MTUS2: variants seen among roughly 807,000 people sequenced by gnomAD.
MTUS2 encodes microtubule-associated tumor suppressor candidate 2.
A neutral mutation model predicts 114.1 loss-of-function variants in MTUS2; 40 were observed. That is an observed-to-expected ratio of 0.35 (90% CI 0.27 to 0.46). The LOEUF (loss-of-function observed/expected upper bound fraction) is 0.46. MTUS2 is among the 20% of genes least tolerant of loss of function. The pLI is 1.00. For synonymous variants in MTUS2, 688 were observed against 672.0 expected (o/e 1.02, Z -0.37); for missense variants, 1,679 against 1,705.4 (o/e 0.98, Z 0.27).
intron 5 of MTUS2, among the ~76,000 whole-genome samples, chr13:29,258,972 A>G (rs1353801503): frequency 6.6e-6 from 1 of 152,216 alleles, no homozygotes; most frequent in Admixed American, 6.5e-5. Context: ...CAGACTAATA[A>G]AGGTCTTGCT....
At chr13:28,894,343 A>AGAGAGAGAGAGAGAGAGAGT (rs1566203791) in intron 2 of MTUS2, among the ~76,000 whole-genome samples, 23 of 93,614 alleles carry the variant, frequency 2.5e-4, no homozygotes, top group African/African-American at 1.1e-3. Context: ...AGAGAGAGAG[A>AGAGAGAGAGAGAGAGAGAGT]GAGAGAGTGA....
intron 9 of MTUS2, among the ~76,000 whole-genome samples, chr13:29,444,966 C>T (rs776425713): frequency 1.3e-4 from 20 of 152,188 alleles, no homozygotes; most frequent in Non-Finnish European, 2.1e-4. Flanking sequence ...GTTAGATGGA[C>T]TTTGGGGAGC....
At chr13:28,851,883 T>G (rs1000661394) in intron 2 of MTUS2, among the ~76,000 whole-genome samples, 2 of 152,158 alleles carry the variant, frequency 1.3e-5, no homozygotes, top group Non-Finnish European at 2.9e-5. Context: ...GTGTGCTGTT[T>G]CCACTCTTCC....
intron 2 of MTUS2, among the ~76,000 whole-genome samples, chr13:28,891,726 A>G (rs1878934729): frequency 6.6e-6 from 1 of 151,798 alleles, no homozygotes; most frequent in Non-Finnish European, 1.5e-5. Context: ...AAAAATACAA[A>G]AATTAGCTGG....
chr13:28,947,341 G>C (rs1882584536), intron 2 of MTUS2, among the ~76,000 whole-genome samples: 1 of 152,162 alleles, frequency 6.6e-6, no homozygotes, highest in Non-Finnish European at 1.5e-5. Context: ...TTAGGGGCTG[G>C]ACCATTGCTT....
chr13:28,922,875 G>T (rs1052474963), intron 2 of MTUS2, among the ~76,000 whole-genome samples: 2 of 152,260 alleles, frequency 1.3e-5, no homozygotes, highest in Admixed American at 1.3e-4. Flanking sequence ...GGAACAAATC[G>T]TGTAGACTTC....
intron 5 of MTUS2, among the ~76,000 whole-genome samples, chr13:29,144,122 C>G (rs1892335040): frequency 6.6e-6 from 1 of 152,136 alleles, no homozygotes; most frequent in Non-Finnish European, 1.5e-5. Flanking sequence ...GCTGACAATC[C>G]AGAAAGAGGG....
intron 9 of MTUS2, among the ~76,000 whole-genome samples, chr13:29,443,535 G>T (rs1382826549): frequency 1.3e-5 from 2 of 152,224 alleles, no homozygotes; most frequent in East Asian, 3.8e-4. Flanking sequence ...GAGGGCGGAA[G>T]GCCTTGGCAG....
intron 8 of MTUS2, among the ~76,000 whole-genome samples, chr13:29,375,451 A>C (rs1488998907): frequency 7.6e-6 from 1 of 131,220 alleles, no homozygotes; most frequent in African/African-American, 2.8e-5. Flanking sequence ...CTTACTTTTA[A>C]TGGCAACAAC....
At chr13:28,868,467 T>A (rs1332100754) in intron 2 of MTUS2, among the ~76,000 whole-genome samples, 1 of 152,184 alleles carries the variant, frequency 6.6e-6, no homozygotes, top group Non-Finnish European at 1.5e-5. Flanking sequence ...GGGTGTTCCT[T>A]TTGTCCAGTT....
chr13:29,033,769 C>A (rs895909059), intron 3 of MTUS2, 116 bp from the exon 4 acceptor site: 24 of 1,285,248 alleles, frequency 1.9e-5, no homozygotes, highest in Middle Eastern at 2.2e-4. Flanking sequence ...GACTTGTGAT[C>A]AAGCAGCTAA....
At chr13:29,072,984 C>G (rs1288431975) in intron 4 of MTUS2, among the ~76,000 whole-genome samples, 1 of 152,136 alleles carries the variant, frequency 6.6e-6, no homozygotes, top group Non-Finnish European at 1.5e-5. Flanking sequence ...GTTGGTAGCA[C>G]TTTGTCATGT....
chr13:29,491,007 G>GTGTGTGT (rs1555286008), intron 11 of MTUS2, among the ~76,000 whole-genome samples: 2 of 133,826 alleles, frequency 1.5e-5, no homozygotes, highest in Non-Finnish European at 1.7e-5. Flanking sequence ...GTGTGTGTGT[G>GTGTGTGT]GTGTGGGAGG....
At chr13:28,843,619 A>G (rs367993364) in intron 2 of MTUS2, among the ~76,000 whole-genome samples, 2 of 152,224 alleles carry the variant, frequency 1.3e-5, no homozygotes, top group African/African-American at 2.4e-5. Context: ...TTCTCTTAAG[A>G]TGATAGAAAC....
intron 2 of MTUS2, among the ~76,000 whole-genome samples, chr13:29,004,408 C>T (rs182112559): frequency 1.2e-4 from 19 of 152,196 alleles, no homozygotes; most frequent in African/African-American, 2.9e-4. Flanking sequence ...ACTCCCAATG[C>T]GTAGTTGTAG....
chr13:29,086,123 A>G (rs1286119863), intron 4 of MTUS2, among the ~76,000 whole-genome samples: 1 of 152,082 alleles, frequency 6.6e-6, no homozygotes, highest in Non-Finnish European at 1.5e-5. Context: ...CCATTTTGAA[A>G]TGAGGTTTGT....
chr13:28,903,636 G>A (rs1025324976), intron 2 of MTUS2, among the ~76,000 whole-genome samples: 1 of 151,724 alleles, frequency 6.6e-6, no homozygotes, highest in African/African-American at 2.4e-5. Context: ...GTGTATATGT[G>A]CCACATTTTC....
chr13:29,116,639 C>T (rs1437265379), intron 5 of MTUS2, among the ~76,000 whole-genome samples: 1 of 152,168 alleles, frequency 6.6e-6, no homozygotes, highest in African/African-American at 2.4e-5. Flanking sequence ...GCCCGTCACT[C>T]TTCTTGCACT....
chr13:29,173,074 G>A (rs144556078), intron 5 of MTUS2, among the ~76,000 whole-genome samples: 72 of 151,904 alleles, frequency 4.7e-4, no homozygotes, highest in Non-Finnish European at 7.8e-4. Flanking sequence ...TGTTTGTGCT[G>A]GTTGTAAAAT....
Sources: gnomAD v4.1 joint callset for allele counts (sites outside exome capture counted in the v4.1 genomes callset) on GRCh38, gnomAD v4.1.1 for gene constraint, MANE v1.5 for transcripts, NCBI Gene and HGNC (gene_info 2026-07-23, HGNC 2026-07-21) for gene names.